Variants in CIBAR2 observed in about 807,000 individuals in gnomAD.
The protein encoded by CIBAR2 is CBY1-interacting BAR domain-containing protein 2.
CIBAR2 carries 38 observed loss-of-function variants against 36.2 expected under a neutral mutation model. That is an observed-to-expected ratio of 1.05 (90% confidence interval 0.81 to 1.38). The LOEUF (loss-of-function observed/expected upper bound fraction) is 1.38, where lower values mean the gene tolerates loss of function less well. CIBAR2 is among the 40% of genes most tolerant of loss of function. The probability of loss-of-function intolerance (pLI) is 0.00; values close to 1 mark genes in which losing one functional copy is unlikely to be tolerated. For missense variants in CIBAR2, 481 were observed against 383.4 expected (o/e 1.25, Z -2.13); for synonymous variants, 182 against 149.5 (o/e 1.22, Z -1.58).
intron 5 of CIBAR2, among the ~76,000 whole-genome samples, chr16:85,106,580 G>A (rs547786012): frequency 5.9e-5 from 9 of 152,132 alleles, no homozygotes; most frequent in Admixed American, 5.9e-4. Context: ...GACAGGGGAG[G>A]GGCCATGAGC....
intron 5 of CIBAR2, among the ~76,000 whole-genome samples, chr16:85,107,023 G>A (rs943085343): frequency 6.6e-6 from 1 of 152,170 alleles, no homozygotes; most frequent in African/African-American, 2.4e-5. Flanking sequence ...GTGGGCACCT[G>A]TAATCCCAGC....
At position 85,105,369 on chromosome 16, in the gene CIBAR2, C is replaced by G. The variant is rs760114251; in HGVS notation, c.495G>C (p.Glu165Asp). Residue 165 changes from glutamate (E) to aspartate (D), a missense_variant, in exon 6 of 9, where the codon GAG becomes GAC. Glu to Asp is a conservative substitution (Grantham distance 45). Coordinates refer to ENST00000539556, the MANE Select transcript of CIBAR2 (RefSeq NM_198491.3). ...DSSRTTLQLE[E>D]TVDGFQRQKL... ...TCTGCCTCTGGAAGCCATCCACAGT[C>G]TCCTCCAGCTGGAGGGTGGTGCGGC... is the stretch of plus-strand genomic sequence containing the variant. The G allele has an allele frequency of 6.2e-7, 1 of 1,613,876 alleles. No homozygotes were observed.
chr16:85,107,594 C>T (rs759477194), intron 5 of CIBAR2, 73 bp downstream of exon 5: 8 of 1,536,950 alleles, frequency 5.2e-6, no homozygotes, highest in Non-Finnish European at 7.2e-6. Context: ...GTAAAGTCTA[C>T]CTGGCCGTTT....
rs749559673 is a variant in CIBAR2, at chr16:85,102,225, T to C, written c.640A>G (p.Arg214Gly). Residue 214 changes from arginine to glycine, a missense_variant, in exon 7 of 9, where the codon AGG (arginine) becomes GGG (glycine). Arg to Gly is a moderately radical substitution (Grantham distance 125). Transcript: ENST00000539556. ...FQTLEKYDLE[R>G]DLLDFRAKMQ... is the part of the protein sequence containing the mutation. ...TGTCTGTGACTCACCAGTAGATCCC[T>C]CTCCAGGTCATACTTCTCCAGGGTC... 5.7e-6 allele frequency: 9 copies of C among 1,592,184 alleles called. No individual in the cohort carries two copies. The Admixed American group carries it at 1.5e-4, about 27-fold the overall frequency.
intron 1 of CIBAR2, 102 bp downstream of exon 1, chr16:85,112,231 C>G (rs1461207889): frequency 1.8e-5 from 19 of 1,061,398 alleles, no homozygotes; most frequent in Admixed American, 5.2e-5. Flanking sequence ...CCAACCCCCA[C>G]CCCAAGCAGC....
chr16:85,100,086 C>A, intron 8 of CIBAR2, 53 bp downstream of exon 8: 1 of 1,422,264 alleles, frequency 7.0e-7, no homozygotes. Flanking sequence ...CACGGGCCTT[C>A]CAGGCCGTGC....
chr16:85,102,093 G>C (rs1337418452), intron 7 of CIBAR2, 121 bp downstream of exon 7: 1 of 636,910 alleles, frequency 1.6e-6, no homozygotes, highest in Non-Finnish European at 2.8e-6. Flanking sequence ...TCATCAGCAT[G>C]AGTCTTCAAA....
chr16:85,098,399 G>T lies in CIBAR2; in HGVS notation c.*786C>A. Reference sequence around the variant, plus strand: ...TTTATTGAACACCTACTATATGCCAGGCACAGCGATCCCCCAGAGCAACCT... The same window carrying T: ...TTTATTGAACACCTACTATATGCCATGCACAGCGATCCCCCAGAGCAACCT... On this transcript the variant is annotated 3_prime_UTR_variant, in exon 9 of 9. Transcript: ENST00000539556. 1 of 297,510 alleles carries T rather than the reference G, an allele frequency of 3.4e-6. No homozygotes were observed. Among genetic ancestry groups the T allele is most frequent in the Non-Finnish European group, 5.0e-6 (1 of 200,828 alleles). The allele number at this position is 297,510 out of a possible 1,614,324, so 18.4% of individuals were successfully genotyped here.
chr16:85,098,719 T>A lies in CIBAR2; in HGVS notation c.*466A>T. On this transcript the variant is annotated 3_prime_UTR_variant, in exon 9 of 9. Transcript: ENST00000539556. ...AATAATAAAACGACAGCAACATCAG[T>A]AATGATAATGGCAGCAACAAGTCTC... 2 of 763,376 alleles carry A rather than the reference T, an allele frequency of 2.6e-6. No individual in the cohort carries two copies. Among genetic ancestry groups the A allele is most frequent in the Non-Finnish European group, 1.6e-6 (1 of 627,036 alleles). 47.3% of individuals were successfully genotyped at this position (763,376 alleles called of 1,614,324 possible). A position where few individuals can be genotyped will look rare whatever the true frequency, so the allele number is the denominator to read the frequency against.
intron 2 of CIBAR2, among the ~76,000 whole-genome samples, chr16:85,108,984 A>T (rs2074019501): frequency 6.6e-6 from 1 of 152,180 alleles, no homozygotes; most frequent in Non-Finnish European, 1.5e-5. Context: ...ACATCAAGGA[A>T]GATGGCACCC....
At chr16:85,100,668 T>G (rs747344086) in intron 7 of CIBAR2, among the ~76,000 whole-genome samples, 1 of 152,182 alleles carries the variant, frequency 6.6e-6, no homozygotes, top group Non-Finnish European at 1.5e-5. Context: ...TCCTCTCCCC[T>G]TGAATACAGG....
intron 1 of CIBAR2, among the ~76,000 whole-genome samples, chr16:85,111,525 G>T (rs532964088): frequency 1.1e-4 from 17 of 152,260 alleles, no homozygotes; most frequent in Non-Finnish European, 5.9e-5. Flanking sequence ...AGAATCCCTG[G>T]GAGGGGGCCT....
chr16:85,104,122 A>G (rs561839967), intron 6 of CIBAR2, among the ~76,000 whole-genome samples: 2 of 152,352 alleles, frequency 1.3e-5, no homozygotes, highest in Admixed American at 6.5e-5. Flanking sequence ...AGTAGGGTGT[A>G]TAAACAAGGG....
intron 1 of CIBAR2, among the ~76,000 whole-genome samples, chr16:85,112,089 C>G (rs1301203673): frequency 6.6e-6 from 1 of 152,138 alleles, no homozygotes; most frequent in African/African-American, 2.4e-5. Flanking sequence ...TTTGACTCCT[C>G]CAGATACACA....
At chr16:85,102,072 T>C (rs1337903301) in intron 7 of CIBAR2, 142 bp downstream of exon 7, 9 of 606,642 alleles carry the variant, frequency 1.5e-5, no homozygotes, top group African/African-American at 1.1e-4. Flanking sequence ...GGGGCAGATA[T>C]TGACAACGCT....
Position 85,112,320 on chromosome 16 carries a change from C to G in CIBAR2, c.20+13G>C. On this transcript the variant is annotated intron_variant, in intron 1 of 8. Transcript: ENST00000539556. Reference sequence around the variant, plus strand: ...CACCTCCCTCACAGCCAGGCTGGCGCTGGCCCACTCACCTGGAGAAGACGA... The same window carrying G: ...CACCTCCCTCACAGCCAGGCTGGCGGTGGCCCACTCACCTGGAGAAGACGA... The G allele has an allele frequency of 1.2e-6, 2 of 1,613,862 alleles. No individual in the cohort carries two copies. The highest frequency in any genetic ancestry group is 1.7e-6 in the Non-Finnish European group (2 of 1,179,840).
chr16:85,110,502 G>A (rs372233992), intron 1 of CIBAR2, 42 bp from the exon 2 acceptor site: 3 of 1,452,360 alleles, frequency 2.1e-6, no homozygotes, highest in Non-Finnish European at 9.4e-7. Flanking sequence ...GGGCAGAGAT[G>A]CAGGGCCCCG....
rs201987292 is a variant in CIBAR2 at position 85,110,365 on chromosome 16, G to A, written c.116C>T (p.Thr39Met). Residue 39 changes from threonine to methionine, a missense_variant, in exon 2 of 9, where the codon ACG becomes ATG. Coordinates refer to ENST00000539556, the MANE Select transcript of CIBAR2 (RefSeq NM_198491.3). ...GTCCGCCTTGTCCCGCAGCCGGGCCGTCTTGCGCGTGTAGGCGGCCAGCAG... is the reference window on the plus strand; with the variant it reads ...GTCCGCCTTGTCCCGCAGCCGGGCCATCTTGCGCGTGTAGGCGGCCAGCAG... ...CSLLAAYTRKTARLRDKADQL... is the reference protein window; with the variant it reads ...CSLLAAYTRKMARLRDKADQL... The A allele has an allele frequency of 5.7e-5, 92 of 1,613,364 alleles. No homozygotes were observed. Among genetic ancestry groups the A allele is most frequent in the Middle Eastern group, 3.3e-4 (2 of 6,084 alleles).
In CIBAR2 at chr16:85,112,321, T is replaced by C; in HGVS notation, c.20+12A>G. The C allele has an allele frequency of 6.2e-7, 1 of 1,613,632 alleles. No individual in the cohort carries two copies. Among genetic ancestry groups the C allele is most frequent in the African/African-American group, 1.3e-5 (1 of 75,036 alleles). On this transcript the variant is annotated intron_variant, in intron 1 of 8. Transcript: ENST00000539556. ...ACCTCCCTCACAGCCAGGCTGGCGC[T>C]GGCCCACTCACCTGGAGAAGACGAT...
Sources: gnomAD v4.1 joint callset for allele counts (sites outside exome capture counted in the v4.1 genomes callset) on GRCh38, gnomAD v4.1.1 for gene constraint, MANE v1.5 for transcripts, NCBI Gene and HGNC (gene_info 2026-07-23, HGNC 2026-07-21) for gene names.